Variants in SMAD3 observed in about 807,000 individuals in gnomAD.
SMAD3 encodes MAD homolog 3.
SMAD3 carries 12 observed loss-of-function variants against 51.8 expected under a neutral mutation model. The observed-to-expected ratio is 0.23, with a 90% CI of 0.15 to 0.38. The LOEUF (loss-of-function observed/expected upper bound fraction) is 0.38, where lower values mean the gene tolerates loss of function less well. Among genes scored for constraint, SMAD3 ranks in the 10% least tolerant of loss-of-function variants. SMAD3 has a pLI of 1.00. For synonymous variants in SMAD3, 238 were observed against 227.7 expected, an observed-to-expected ratio of 1.05 and a Z score of -0.41; for missense variants, 294 against 565.6, an observed-to-expected ratio of 0.52 and a Z score of 4.87.
chr15:67,154,447 G>T (rs744910), intron 1 of SMAD3, among the ~76,000 whole-genome samples: 3 of 151,888 alleles, frequency 2.0e-5, no homozygotes. Context: ...GAACTTGTTG[G>T]GAACACTCAG....
rs1963387566 is a variant in SMAD3 at position 67,192,345 on chromosome 15, TGA to T, written c.*1811_*1812del. 4.3e-6 allele frequency: 1 copy of T among 233,122 alleles called. No individual in the cohort carries two copies. The highest frequency in any genetic ancestry group is 1.8e-4 in the South Asian group (1 of 5,510). 14.4% of individuals were successfully genotyped at this position (233,122 alleles called of 1,614,324 possible). On this transcript the variant is annotated 3_prime_UTR_variant, in exon 9 of 9. Coordinates refer to ENST00000327367, the MANE Select transcript of SMAD3 (RefSeq NM_005902.4). ...GAAGGAGCACCTTGACAGACTTGTG[TGA>T]GTCTTCTCGAAGGAGGGTTGACTCA... is the stretch of plus-strand genomic sequence containing the variant.
intron 1 of SMAD3, among the ~76,000 whole-genome samples, chr15:67,071,664 T>C (rs1960056353): frequency 6.6e-6 from 1 of 152,026 alleles, no homozygotes. Context: ...ACAAAAAAAT[T>C]AGCCGAGCTT....
At chr15:67,069,507 T>A (rs932477142) in intron 1 of SMAD3, among the ~76,000 whole-genome samples, 1 of 152,202 alleles carries the variant, frequency 6.6e-6, no homozygotes, top group Non-Finnish European at 1.5e-5. Context: ...CTTAGTTTTC[T>A]GGTAGACACT....
intron 6 of SMAD3, 91 bp from the exon 7 acceptor site, chr15:67,184,636 C>T (rs1477444670): frequency 6.7e-7 from 1 of 1,502,538 alleles, no homozygotes. Context: ...AGCAGCTCTG[C>T]TGTTCTGCCT....
chr15:67,118,320 G>A (rs1050583847), intron 1 of SMAD3, among the ~76,000 whole-genome samples: 5 of 152,204 alleles, frequency 3.3e-5, no homozygotes, highest in Admixed American at 6.5e-5. Context: ...TATGGATAGC[G>A]CTTTCCTCTT....
chr15:67,126,021 TG>T lies in SMAD3; in HGVS notation c.207-38870del. The T allele has an allele frequency of 3.1e-6, 3 of 975,424 alleles. No homozygotes were observed. The African/African-American group carries it at 5.3e-5, about 17-fold the overall frequency. The allele number at this position is 975,424 out of a possible 1,614,324, so 60.4% of individuals were successfully genotyped here. On this transcript the variant is annotated intron_variant, in intron 1 of 8. Coordinates refer to ENST00000327367, the MANE Select transcript of SMAD3 (RefSeq NM_005902.4). ...CTTATTTGGCAGGGTGGGTTAGGTG[TG>T]GGGTATTTGTCACTGAGAAGCAGAA...
At chr15:67,156,367 T>C (rs1452290665) in intron 1 of SMAD3, among the ~76,000 whole-genome samples, 10 of 152,222 alleles carry the variant, frequency 6.6e-5, no homozygotes, top group Admixed American at 1.3e-4. Context: ...TTTATGCAAA[T>C]TGACTCTAAG....
chr15:67,138,354 C>A lies in SMAD3; in HGVS notation c.207-26541C>A, dbSNP rs2140261385. On this transcript the variant is annotated intron_variant, in intron 1 of 8. Transcript: ENST00000327367. ...GCTCCCCTCCCCTGAACCCCCCCTC[C>A]CCCGGCCCCAGGATGGAGCTTGCTT... The A allele has an allele frequency of 1.3e-5, 6 of 467,068 alleles. No homozygotes were observed. In the South Asian group the frequency reaches 1.5e-4, roughly 12 times the overall value. The allele number at this position is 467,068 out of a possible 1,614,324, so 28.9% of individuals were successfully genotyped here.
chr15:67,134,906 T>C (rs552200120), intron 1 of SMAD3, among the ~76,000 whole-genome samples: 1 of 152,290 alleles, frequency 6.6e-6, no homozygotes, highest in Admixed American at 6.5e-5. Flanking sequence ...ATCTGAGGTT[T>C]AAAGAGGCAA....
Position 67,192,502 on chromosome 15 carries a change from A to G in SMAD3, c.*1966A>G, listed in dbSNP as rs2140331196. On this transcript the variant is annotated 3_prime_UTR_variant, in exon 9 of 9. Transcript: ENST00000327367. Reference sequence around the variant, plus strand: ...ACAGGAAGCCCCCTGAACCTCCTGTACATGTGTTCATGTTCCCAGCCAGCT... The same window carrying G: ...ACAGGAAGCCCCCTGAACCTCCTGTGCATGTGTTCATGTTCCCAGCCAGCT... 1 of 233,462 alleles carries G rather than the reference A, an allele frequency of 4.3e-6. No homozygotes were observed. The highest frequency in any genetic ancestry group is 6.0e-5 in the East Asian group (1 of 16,728). 14.5% of individuals were successfully genotyped at this position (233,462 alleles called of 1,614,324 possible).
intron 1 of SMAD3, among the ~76,000 whole-genome samples, chr15:67,156,215 C>G (rs1962279707): frequency 6.6e-6 from 1 of 152,134 alleles, no homozygotes; most frequent in Non-Finnish European, 1.5e-5. Flanking sequence ...GTCCATTAAA[C>G]ATAGCAGATG....
At chr15:67,128,380 A>G (rs1545160) in intron 1 of SMAD3, among the ~76,000 whole-genome samples, 103,555 of 152,018 alleles carry the variant, frequency 0.68, 35,343 homozygotes, top group African/African-American at 0.73. Context: ...CCACTTAGTA[A>G]CCTTGGCCGA....
chr15:67,120,415 A>C (rs1961232534), intron 1 of SMAD3, among the ~76,000 whole-genome samples: 1 of 151,554 alleles, frequency 6.6e-6, no homozygotes, highest in South Asian at 2.1e-4. Flanking sequence ...AATTTTTAAA[A>C]CCCCCTGTAT....
intron 1 of SMAD3, among the ~76,000 whole-genome samples, chr15:67,124,752 C>G (rs982667145): frequency 2.0e-5 from 3 of 152,176 alleles, no homozygotes; most frequent in Non-Finnish European, 2.9e-5. Flanking sequence ...AAAAACCTCT[C>G]TGCTCTGTGC....
intron 5 of SMAD3, among the ~76,000 whole-genome samples, chr15:67,171,263 CGTT>C (rs1325494010): frequency 6.6e-6 from 1 of 152,060 alleles, no homozygotes; most frequent in African/African-American, 2.4e-5. Context: ...TCTTGTTTAT[CGTT>C]GTGTGTTATC....
At position 67,082,635 on chromosome 15, in the gene SMAD3, C is replaced by T. The variant is rs143647233; in HGVS notation, c.206+16275C>T. 2.6e-5 allele frequency among the ~76,000 whole-genome samples: 4 copies of T among 152,314 alleles called. No individual in the cohort carries two copies. In the East Asian group the frequency reaches 7.7e-4, roughly 29 times the overall value. On this transcript the variant is annotated intron_variant, in intron 1 of 8. Transcript: ENST00000327367. Reference sequence around the variant, plus strand: ...ATGTTTAGTGGTTAAAAACAAAGTCCTGTCCAAATTATATAAAGTTTTGCC... The same window carrying T: ...ATGTTTAGTGGTTAAAAACAAAGTCTTGTCCAAATTATATAAAGTTTTGCC...
At chr15:67,073,592 T>C (rs574100174) in intron 1 of SMAD3, among the ~76,000 whole-genome samples, 6 of 152,222 alleles carry the variant, frequency 3.9e-5, no homozygotes, top group Non-Finnish European at 8.8e-5. Context: ...CCTCGAATGT[T>C]CTCAACTGGA....
At chr15:67,066,425 A>G in intron 1 of SMAD3, 65 bp downstream of exon 1, 1 of 1,322,262 alleles carries the variant, frequency 7.6e-7, no homozygotes, top group Non-Finnish European at 1.1e-6. Flanking sequence ...TGCGGGGCCG[A>G]CCCAGTGGGG....
chr15:67,111,026 CT>C (rs1403464075), intron 1 of SMAD3, among the ~76,000 whole-genome samples: 30 of 152,326 alleles, frequency 2.0e-4, no homozygotes, highest in Non-Finnish European at 3.1e-4. Flanking sequence ...TAAATCTGCT[CT>C]TTTAAGGGAT....
Sources: allele counts gnomAD v4.1 joint callset (sites outside exome capture counted in the v4.1 genomes callset), GRCh38; gene constraint gnomAD v4.1.1; transcripts MANE v1.5; gene names NCBI Gene and HGNC (gene_info 2026-07-23, HGNC 2026-07-21).